Variants in CSN1S1 observed in about 807,000 individuals in gnomAD.
CSN1S1 encodes alpha-S1-casein.
In CSN1S1, 63 loss-of-function variants were observed where a neutral mutation model predicts 49.1. The ratio of observed to expected loss-of-function variants is 1.28; its 90% CI spans 1.05 to 1.58. The LOEUF (loss-of-function observed/expected upper bound fraction) is 1.58. Ranked by LOEUF, CSN1S1 falls within the 40% of genes most tolerant of loss-of-function variation. The pLI is 0.00. For synonymous variants in CSN1S1, 78 were observed against 67.1 expected (o/e 1.16, Z -0.79); for missense variants, 260 against 224.7 (o/e 1.16, Z -1.01).
At chr4:69,945,108 A>G in intron 15 of CSN1S1, 104 bp downstream of exon 15, 1 of 1,200,704 alleles carries the variant, frequency 8.3e-7, no homozygotes, top group South Asian at 1.4e-5. Context: ...AACATGGCAA[A>G]TCAATGCCTA....
At chr4:69,940,424 A>G (rs1250841417) in intron 11 of CSN1S1, among the ~76,000 whole-genome samples, 6 of 151,786 alleles carry the variant, frequency 4.0e-5, no homozygotes, top group African/African-American at 1.2e-4. Flanking sequence ...TTGAATCTAC[A>G]TAACATAGTA....
At chr4:69,933,101 G>A (rs1722660726) in intron 2 of CSN1S1, among the ~76,000 whole-genome samples, 1 of 151,560 alleles carries the variant, frequency 6.6e-6, no homozygotes, top group African/African-American at 2.4e-5. Flanking sequence ...CCCCAAGAAG[G>A]GATAGAAAAC....
intron 12 of CSN1S1, 115 bp from the exon 13 acceptor site, chr4:69,941,931 T>C (rs1722981389): frequency 1.8e-6 from 1 of 569,140 alleles, no homozygotes; most frequent in East Asian, 3.0e-5. Flanking sequence ...TATTTTACAG[T>C]GGTATCTCCA....
chr4:69,937,148 A>T lies in CSN1S1; in HGVS notation c.219+4A>T. Reference sequence around the variant, plus strand: ...TACTAGGAATGAGTCTACTCAGGTGAGACCCTTTGTTTTAAAATTATTAAA... The same window carrying T: ...TACTAGGAATGAGTCTACTCAGGTGTGACCCTTTGTTTTAAAATTATTAAA... On this transcript the variant is annotated splice_donor_region_variant and intron_variant, in intron 8 of 15. Coordinates refer to ENST00000246891, the MANE Select transcript of CSN1S1 (RefSeq NM_001890.2). The T allele has an allele frequency of 6.5e-7, 1 of 1,531,998 alleles. No homozygotes were observed. The highest frequency in any genetic ancestry group is 8.8e-7 in the Non-Finnish European group (1 of 1,137,248). The allele number at this position is 1,531,998 out of a possible 1,614,324, so 94.9% of individuals were successfully genotyped here.
At position 69,942,546 on chromosome 4, in the gene CSN1S1, G is replaced by T. The variant is rs376905625; in HGVS notation, c.371G>T (p.Arg124Leu). ...LQAAHAQEQI[R>L]RMNENSHVQV... ...TTTCCTTTTATGCAGGAGCAAATTC[G>T]CAGAATGAATGAAAACAGCCATGTC... The change falls in exon 14 of 16, where the codon CGC (arginine) becomes CTC (leucine). Residue 124 changes from arginine to leucine, a missense_variant. Physicochemically the swap from Arg to Leu is moderately radical, Grantham distance 102 (BLOSUM62 -2). Transcript: ENST00000246891. 5 of 1,586,880 alleles carry T rather than the reference G, an allele frequency of 3.2e-6. No homozygotes were observed. The highest frequency in any genetic ancestry group is 1.7e-4 in the Middle Eastern group (1 of 5,720).
chr4:69,935,835 A>G (rs1722761295), intron 4 of CSN1S1, 91 bp from the exon 5 acceptor site: 2 of 823,328 alleles, frequency 2.4e-6, no homozygotes, highest in African/African-American at 3.5e-5. Context: ...TGAATAGAAG[A>G]ACATAACGTT....
chr4:69,935,468 T>G (rs915011760), intron 4 of CSN1S1, among the ~76,000 whole-genome samples: 1 of 151,854 alleles, frequency 6.6e-6, no homozygotes, highest in Non-Finnish European at 1.5e-5. Flanking sequence ...GAGGGTCACT[T>G]GAGCATGGGC....
rs1203048889 is a variant in CSN1S1, at chr4:69,946,424, G to GGTA, written c.*229_*231dup. On this transcript the variant is annotated 3_prime_UTR_variant, in exon 16 of 16. Coordinates refer to ENST00000246891, the MANE Select transcript of CSN1S1 (RefSeq NM_001890.2). ...CCATATGGAGGGCACCTAATCAGAG[G>GGTA]GTATTAAAGTGTTTACTAAGTTTTC... is the stretch of plus-strand genomic sequence containing the variant. 4.1e-6 allele frequency: 1 copy of GGTA among 246,002 alleles called. No homozygotes were observed. Among genetic ancestry groups the GGTA allele is most frequent in the Admixed American group, 5.9e-5 (1 of 16,982 alleles). 15.2% of individuals were successfully genotyped at this position (246,002 alleles called of 1,614,324 possible). A position where few individuals can be genotyped will look rare whatever the true frequency, so the allele number is the denominator to read the frequency against.
chr4:69,946,420 A>G lies in CSN1S1; in HGVS notation c.*224A>G. The G allele has an allele frequency of 7.8e-6, 2 of 255,572 alleles. No individual in the cohort carries two copies. The highest frequency in any genetic ancestry group is 1.5e-5 in the Non-Finnish European group (2 of 131,354). The allele number at this position is 255,572 out of a possible 1,614,324, so 15.8% of individuals were successfully genotyped here. On this transcript the variant is annotated 3_prime_UTR_variant, in exon 16 of 16. Transcript: ENST00000246891. ...CTTGCCATATGGAGGGCACCTAATCAGAGGGTATTAAAGTGTTTACTAAGT... is the reference window on the plus strand; with the variant it reads ...CTTGCCATATGGAGGGCACCTAATCGGAGGGTATTAAAGTGTTTACTAAGT...
chr4:69,936,689 G>A (rs1247637327), intron 7 of CSN1S1, 82 bp downstream of exon 7: 7 of 1,296,568 alleles, frequency 5.4e-6, no homozygotes, highest in Admixed American at 5.2e-5. Context: ...GGAAAAAAAA[G>A]CATTTTTCTA....
intron 12 of CSN1S1, among the ~76,000 whole-genome samples, chr4:69,941,690 G>A (rs2109725841): frequency 6.6e-6 from 1 of 151,998 alleles, no homozygotes; most frequent in South Asian, 2.1e-4. Context: ...ATGAAAATCA[G>A]TAATGAATTT....
At chr4:69,937,249 T>C (rs1722815473) in intron 8 of CSN1S1, 105 bp downstream of exon 8, 2 of 834,410 alleles carry the variant, frequency 2.4e-6, no homozygotes, top group African/African-American at 1.8e-5. Context: ...GGCAGATAAC[T>C]CTAATTCAAA....
At chr4:69,944,132 G>A (rs1723072789) in intron 14 of CSN1S1, among the ~76,000 whole-genome samples, 1 of 151,836 alleles carries the variant, frequency 6.6e-6, no homozygotes, top group South Asian at 2.1e-4. Context: ...ATAGGCAGGT[G>A]TCCACAGCAA....
chr4:69,933,939 T>C (rs1722688306), intron 2 of CSN1S1, among the ~76,000 whole-genome samples: 1 of 152,028 alleles, frequency 6.6e-6, no homozygotes, highest in Non-Finnish European at 1.5e-5. Context: ...TTTACTTTTT[T>C]AAAGATGTTT....
Position 69,934,685 on chromosome 4 carries a change from T to C in CSN1S1, c.85-5T>C. On this transcript the variant is annotated splice_polypyrimidine_tract_variant and splice_region_variant and intron_variant, in intron 3 of 15. Transcript: ENST00000246891. ...ATACCATTTAAAAATTATTATTTTT[T>C]ACAGAATCCATCAGAGAGCAGTGAG... 3 of 1,607,520 alleles carry C rather than the reference T, an allele frequency of 1.9e-6. No individual in the cohort carries two copies. Among genetic ancestry groups the C allele is most frequent in the Non-Finnish European group, 2.6e-6 (3 of 1,174,946 alleles).
chr4:69,940,970 T>C lies in CSN1S1; in HGVS notation c.301-49T>C. 3 of 946,470 alleles carry C rather than the reference T, an allele frequency of 3.2e-6. No homozygotes were observed. In the East Asian group the frequency reaches 8.2e-5, roughly 26 times the overall value. The allele number at this position is 946,470 out of a possible 1,614,324, so 58.6% of individuals were successfully genotyped here. The stretch of plus-strand genomic sequence containing the variant: ...TTTCATCATATGAAAATGATGGGGT[T>C]GGACTGAATGACATCCAAGCAATTG... On this transcript the variant is annotated intron_variant, in intron 11 of 15. Coordinates refer to ENST00000246891, the MANE Select transcript of CSN1S1 (RefSeq NM_001890.2).
At chr4:69,942,947 TAAA>T (rs5859205) in intron 14 of CSN1S1, among the ~76,000 whole-genome samples, 1 of 143,462 alleles carries the variant, frequency 7.0e-6, no homozygotes, top group Non-Finnish European at 1.5e-5. Flanking sequence ...ACATGCTAAT[TAAA>T]AAAAAAAAAA....
At chr4:69,939,680 T>C (rs2109722303) in intron 10 of CSN1S1, among the ~76,000 whole-genome samples, 1 of 151,856 alleles carries the variant, frequency 6.6e-6, no homozygotes, top group South Asian at 2.1e-4. Context: ...AAAAAAGTGG[T>C]GCGGTTTTTC....
At chr4:69,937,697 C>T in intron 8 of CSN1S1, 103 bp from the exon 9 acceptor site, 1 of 870,558 alleles carries the variant, frequency 1.1e-6, no homozygotes, top group East Asian at 2.9e-5. Context: ...TATATTGTCT[C>T]AGTTTTCTAT....
Sources: gnomAD v4.1 joint callset for allele counts (sites outside exome capture counted in the v4.1 genomes callset) on GRCh38, gnomAD v4.1.1 for gene constraint, MANE v1.5 for transcripts, NCBI Gene and HGNC (gene_info 2026-07-23, HGNC 2026-07-21) for gene names.